The following PKM variants were observed in gnomAD, a reference collection of about 807,000 sequenced individuals.
PKM encodes the protein pyruvate kinase PKM.
A neutral mutation model predicts 49.8 loss-of-function variants in PKM; 18 were observed. The ratio of observed to expected loss-of-function variants is 0.36; its 90% CI spans 0.25 to 0.54. PKM has a LOEUF of 0.54. Among genes scored for constraint, PKM ranks in the 20% least tolerant of loss-of-function variants. PKM has a pLI of 0.89. For synonymous variants in PKM, 239 were observed against 261.8 expected (o/e 0.91, Z 0.84); for missense variants, 508 against 713.8 (o/e 0.71, Z 3.28).
At chr15:72,211,198 G>T (rs2082243903) in intron 3 of PKM, among the ~76,000 whole-genome samples, 1 of 151,926 alleles carries the variant, frequency 6.6e-6, no homozygotes, top group Admixed American at 6.6e-5. Flanking sequence ...CTCCCGAGTA[G>T]CTGGGACTGC....
rs554496536 is a variant in PKM at position 72,200,996 on chromosome 15, C to G, written c.1308-341G>C. 6.2e-5 allele frequency: 16 copies of G among 257,994 alleles called. No individual in the cohort carries two copies. Among genetic ancestry groups the G allele is most frequent in the African/African-American group, 3.1e-4 (14 of 45,790 alleles). 16.0% of individuals were successfully genotyped at this position (257,994 alleles called of 1,614,324 possible). A position where few individuals can be genotyped will look rare whatever the true frequency, so the allele number is the denominator to read the frequency against. ...CTCTGACACAGAGAGGCAGCCCTGG[C>G]CCAATGTCACCAGCACCCATTCCTC... On this transcript the variant is annotated intron_variant, in intron 9 of 10. Coordinates refer to ENST00000335181, the MANE Select transcript of PKM (RefSeq NM_002654.6). The surrounding 1 kb of genome is among the most constrained non-coding windows in gnomAD (Gnocchi z 4.6).
At chr15:72,228,731 G>C in intron 1 of PKM, 2 of 702,514 alleles carry the variant, frequency 2.8e-6, no homozygotes, top group East Asian at 7.1e-5. Flanking sequence ...GGCCACCAAA[G>C]GGCAAATTAT....
chr15:72,205,271 C>T (rs1280238203), intron 8 of PKM, among the ~76,000 whole-genome samples: 1 of 152,140 alleles, frequency 6.6e-6, no homozygotes, highest in Non-Finnish European at 1.5e-5. Flanking sequence ...TACAGAAGTG[C>T]ATCACCATGC....
In PKM at chr15:72,200,786, T is replaced by C; in HGVS notation, c.1308-131A>G. On this transcript the variant is annotated intron_variant, in intron 9 of 10. Transcript: ENST00000335181. This position sits in a 1 kb window ranked among gnomAD's most constrained non-coding sequence, Gnocchi z 4.6. ...TCTGGCCTCTTCAACATCTGCTCCC[T>C]AGGACCCCTCCCGAGGCTCGGGCAG... 4.0e-6 allele frequency: 3 copies of C among 748,150 alleles called. No individual in the cohort carries two copies. The highest frequency in any genetic ancestry group is 2.8e-5 in the Admixed American group (1 of 35,768). 46.3% of individuals were successfully genotyped at this position (748,150 alleles called of 1,614,324 possible).
rs991175643 is a variant in PKM at position 72,199,430 on chromosome 15, G to T, written c.*220C>A. ...AGCATTCCTCCTTCTTCCCTTGATTGGGTGGGGCCACATGATGGGCAGCCA... is the reference window on the plus strand; with the variant it reads ...AGCATTCCTCCTTCTTCCCTTGATTTGGTGGGGCCACATGATGGGCAGCCA... On this transcript the variant is annotated 3_prime_UTR_variant, in exon 11 of 11. Transcript: ENST00000335181. 126 of 692,092 alleles carry T rather than the reference G, an allele frequency of 1.8e-4. No homozygotes were observed. The highest frequency in any genetic ancestry group is 2.8e-4 in the Non-Finnish European group (104 of 378,088). 42.9% of individuals were successfully genotyped at this position (692,092 alleles called of 1,614,324 possible).
chr15:72,223,834 C>G (rs1209492321), intron 1 of PKM, among the ~76,000 whole-genome samples: 1 of 151,954 alleles, frequency 6.6e-6, no homozygotes, highest in East Asian at 1.9e-4. Flanking sequence ...CCAGGAGGCC[C>G]CACAGCAGAA....
chr15:72,209,533 A>AT, intron 5 of PKM, 140 bp downstream of exon 5: 1 of 751,182 alleles, frequency 1.3e-6, no homozygotes, highest in Non-Finnish European at 2.4e-6. Flanking sequence ...TTGAGGATAA[A>AT]TGAGTTATAA....
chr15:72,218,005 A>G (rs1368616244), intron 2 of PKM, among the ~76,000 whole-genome samples: 4 of 152,240 alleles, frequency 2.6e-5, no homozygotes, highest in African/African-American at 9.6e-5. Flanking sequence ...CAATACATAC[A>G]GTTTGGATAC....
At chr15:72,227,424 G>A (rs187846679) in intron 1 of PKM, among the ~76,000 whole-genome samples, 146 of 152,282 alleles carry the variant, frequency 9.6e-4, no homozygotes, top group Admixed American at 2.2e-3. Flanking sequence ...TCTTGGCCAA[G>A]ATAACACATC....
intron 3 of PKM, among the ~76,000 whole-genome samples, chr15:72,210,924 C>G (rs917598314): frequency 3.9e-5 from 6 of 152,208 alleles, no homozygotes; most frequent in Non-Finnish European, 8.8e-5. Context: ...ATGTCACATT[C>G]TGATATATGT....
intron 1 of PKM, among the ~76,000 whole-genome samples, chr15:72,223,023 C>CTT (rs755504486): frequency 6.1e-5 from 8 of 132,094 alleles, no homozygotes; most frequent in Admixed American, 2.3e-4. Flanking sequence ...TTTTTTTTTT[C>CTT]TTTTTTTTTT....
intron 1 of PKM, chr15:72,221,269 G>A (rs1415358640): frequency 3.5e-5 from 54 of 1,533,376 alleles, no homozygotes; most frequent in Admixed American, 9.8e-5. Context: ...AGCTGAATAC[G>A]GTGTGCCCTG....
At chr15:72,208,538 G>A (rs2082144235) in intron 6 of PKM, 83 bp downstream of exon 6, 7 of 1,438,698 alleles carry the variant, frequency 4.9e-6, no homozygotes, top group Non-Finnish European at 6.9e-6. Context: ...ATGGGCTAGG[G>A]GCTGGGAATC....
chr15:72,205,589 G>C (rs1370510277), intron 8 of PKM, among the ~76,000 whole-genome samples: 1 of 149,390 alleles, frequency 6.7e-6, no homozygotes, highest in Non-Finnish European at 1.5e-5. Flanking sequence ...TAGTGAAAAA[G>C]GAAAGGAAGA....
rs1320705686 is a variant in PKM at position 72,206,756 on chromosome 15, G to GGA, written c.1110_1111dup (p.Pro371LeufsTer11). 1 of 1,613,656 alleles carries GGA rather than the reference G, an allele frequency of 6.2e-7. No individual in the cohort carries two copies. Among genetic ancestry groups the GGA allele is most frequent in the Non-Finnish European group, 8.5e-7 (1 of 1,180,042 alleles). ...GTGCTGCATGCGCACAGCCTCCAGA[G>GGA]GATAGTCCCCTTTGGCTGTTTCTCC... On this transcript the variant is annotated frameshift_variant, in exon 8 of 11. Coordinates refer to ENST00000335181, the MANE Select transcript of PKM (RefSeq NM_002654.6). LOFTEE classifies it high-confidence loss of function.
At chr15:72,221,142 T>C in intron 1 of PKM, 1 of 1,302,330 alleles carries the variant, frequency 7.7e-7, no homozygotes, top group Non-Finnish European at 1.1e-6. Flanking sequence ...AAGACCTGGC[T>C]GGGGCCACTG....
At chr15:72,209,007 G>T in intron 5 of PKM, 116 bp from the exon 6 acceptor site, 1 of 1,152,758 alleles carries the variant, frequency 8.7e-7, no homozygotes, top group Non-Finnish European at 1.3e-6. Flanking sequence ...GGGTGCTGGA[G>T]CTGTTTTACC....
intron 2 of PKM, 82 bp downstream of exon 2, chr15:72,218,862 A>G: frequency 7.0e-7 from 1 of 1,420,402 alleles, no homozygotes; most frequent in Non-Finnish European, 9.9e-7. Flanking sequence ...TAGGTTTGTT[A>G]GGACATTTAG....
chr15:72,228,527 G>T, intron 1 of PKM: 1 of 632,412 alleles, frequency 1.6e-6, no homozygotes, highest in Non-Finnish European at 2.6e-6. Context: ...TGAAAGGGGA[G>T]AAGGGACTTT....
Sources: allele counts gnomAD v4.1 joint callset (sites outside exome capture counted in the v4.1 genomes callset), GRCh38; gene constraint gnomAD v4.1.1; non-coding constraint Gnocchi (gnomAD v3.1); transcripts MANE v1.5; gene names NCBI Gene and HGNC (gene_info 2026-07-23, HGNC 2026-07-21).